Variants in NLN observed in about 807,000 individuals in gnomAD.
The protein encoded by NLN is neurolysin, mitochondrial.
A neutral mutation model predicts 79.9 loss-of-function variants in NLN; 64 were observed. The observed-to-expected ratio is 0.80, with a 90% confidence interval of 0.65 to 0.99. The LOEUF (loss-of-function observed/expected upper bound fraction) is 0.99, where lower values mean the gene tolerates loss of function less well. Ranked by LOEUF, NLN falls within the 50% of genes least tolerant of loss-of-function variation. The probability of loss-of-function intolerance (pLI) is 0.00; values close to 1 mark genes in which losing one functional copy is unlikely to be tolerated. For missense variants in NLN, 835 were observed against 858.7 expected (o/e 0.97, Z 0.34); for synonymous variants, 267 against 296.6 (o/e 0.90, Z 1.02).
intron 7 of NLN, among the ~76,000 whole-genome samples, chr5:65,786,688 C>T (rs1204851999): frequency 6.6e-6 from 1 of 152,072 alleles, no homozygotes; most frequent in Non-Finnish European, 1.5e-5. Flanking sequence ...GACCCCAACC[C>T]TGTCTCTACA....
At chr5:65,801,245 C>A (rs1760280440) in intron 9 of NLN, among the ~76,000 whole-genome samples, 1 of 152,150 alleles carries the variant, frequency 6.6e-6, no homozygotes, top group Non-Finnish European at 1.5e-5. Flanking sequence ...ATTACCAACA[C>A]CTTCAAATTG....
At chr5:65,812,660 T>C (rs1760580010) in intron 12 of NLN, among the ~76,000 whole-genome samples, 1 of 152,264 alleles carries the variant, frequency 6.6e-6, no homozygotes, top group Non-Finnish European at 1.5e-5. Context: ...GCTTTGTTTA[T>C]GGATTTGAGA....
chr5:65,812,849 C>T (rs1359666882), intron 12 of NLN, among the ~76,000 whole-genome samples: 5 of 152,182 alleles, frequency 3.3e-5, no homozygotes, highest in Admixed American at 6.5e-5. Flanking sequence ...GCCCCACCCA[C>T]TACATAGTTT....
At chr5:65,769,222 G>A (rs1759516861) in intron 3 of NLN, among the ~76,000 whole-genome samples, 1 of 152,216 alleles carries the variant, frequency 6.6e-6, no homozygotes, top group South Asian at 2.1e-4. Context: ...TCAGTCTGGG[G>A]AGTATCATTT....
At chr5:65,723,637 A>G (rs542707234) in intron 1 of NLN, among the ~76,000 whole-genome samples, 3 of 151,732 alleles carry the variant, frequency 2.0e-5, no homozygotes, top group African/African-American at 2.4e-5. Flanking sequence ...ACACGGTGAA[A>G]CCCCGTCTCT....
chr5:65,789,084 T>C (rs1376222330), intron 8 of NLN, among the ~76,000 whole-genome samples: 1 of 152,104 alleles, frequency 6.6e-6, no homozygotes, highest in Admixed American at 6.6e-5. Context: ...AGTGAGCTAT[T>C]ATCACACTGC....
intron 1 of NLN, among the ~76,000 whole-genome samples, chr5:65,741,844 T>C (rs1758875448): frequency 6.6e-6 from 1 of 152,132 alleles, no homozygotes; most frequent in Non-Finnish European, 1.5e-5. Context: ...AGAAAAGAAA[T>C]CTCTTCAAGT....
Position 65,722,229 on chromosome 5 carries a change from C to T in NLN, c.-145C>T. ...TAGGCGCCGGCGTGGAGCTGCCGCA[C>T]GTGGGAGGGCGCTGGCCAGGCAGCC... On this transcript the variant is annotated 5_prime_UTR_variant, in exon 1 of 13. It adds an upstream start codon to the 5' untranslated region. Coordinates refer to ENST00000380985, the MANE Select transcript of NLN (RefSeq NM_020726.5). 2.3e-6 allele frequency: 1 copy of T among 438,906 alleles called. No individual in the cohort carries two copies. The highest frequency in any genetic ancestry group is 3.8e-6 in the Non-Finnish European group (1 of 261,394). The allele number at this position is 438,906 out of a possible 1,614,324, so 27.2% of individuals were successfully genotyped here. A position where few individuals can be genotyped will look rare whatever the true frequency, so the allele number is the denominator to read the frequency against.
intron 1 of NLN, among the ~76,000 whole-genome samples, chr5:65,757,960 C>G (rs1027258855): frequency 1.3e-5 from 2 of 152,084 alleles, no homozygotes; most frequent in African/African-American, 4.8e-5. Context: ...TGGCCGGGTG[C>G]AGTGGCTCAC....
intron 1 of NLN, among the ~76,000 whole-genome samples, chr5:65,736,434 A>G (rs2150735495): frequency 6.6e-6 from 1 of 152,354 alleles, no homozygotes; most frequent in Non-Finnish European, 1.5e-5. Context: ...AATTTAAGAG[A>G]ACAATTACTA....
intron 1 of NLN, chr5:65,733,569 C>A (rs1758659619): frequency 6.7e-7 from 1 of 1,500,464 alleles, no homozygotes; most frequent in African/African-American, 1.5e-5. Context: ...AGTCAGGCAG[C>A]CCAAGAGGAT....
intron 1 of NLN, among the ~76,000 whole-genome samples, chr5:65,735,655 A>T (rs1758712820): frequency 6.6e-6 from 1 of 152,166 alleles, no homozygotes; most frequent in African/African-American, 2.4e-5. Context: ...GAAAATAGAG[A>T]TCTTTAGGAA....
intron 7 of NLN, among the ~76,000 whole-genome samples, chr5:65,787,421 A>C (rs1483223069): frequency 6.6e-6 from 1 of 152,078 alleles, no homozygotes; most frequent in Non-Finnish European, 1.5e-5. Flanking sequence ...TCACATTGTG[A>C]GGTTGCCTTC....
intron 9 of NLN, chr5:65,793,505 G>A (rs956957304): frequency 6.6e-6 from 1 of 152,462 alleles, no homozygotes; most frequent in Admixed American, 6.5e-5. Context: ...GGTGGTATGT[G>A]CCTGTGGTCC....
At chr5:65,809,759 T>C in intron 10 of NLN, 58 bp downstream of exon 10, 1 of 1,302,092 alleles carries the variant, frequency 7.7e-7, no homozygotes, top group Non-Finnish European at 1.1e-6. Context: ...GTAGAATTGC[T>C]GTCACCTTCT....
In NLN at chr5:65,758,921, A is replaced by G. The variant is rs1420812962; in HGVS notation, c.301+95A>G. 4.4e-6 allele frequency: 5 copies of G among 1,135,684 alleles called. No individual in the cohort carries two copies. The African/African-American group carries it at 7.7e-5, about 18-fold the overall frequency. The allele number at this position is 1,135,684 out of a possible 1,614,324, so 70.4% of individuals were successfully genotyped here. The stretch of plus-strand genomic sequence containing the variant: ...CTTTCAGTTTTCCAGTTTTACAAGC[A>G]TTGATTTTTACATTATAATTAATTG... On this transcript the variant is annotated intron_variant, in intron 2 of 12. Coordinates refer to ENST00000380985, the MANE Select transcript of NLN (RefSeq NM_020726.5).
chr5:65,787,969 G>GT, intron 7 of NLN, 149 bp from the exon 8 acceptor site: 1 of 729,324 alleles, frequency 1.4e-6, no homozygotes, highest in Non-Finnish European at 2.2e-6. Context: ...CCTCCCTCAC[G>GT]TTTTTCCTCC....
At position 65,775,675 on chromosome 5, in the gene NLN, G is replaced by C. The variant is rs540225855; in HGVS notation, c.451-1752G>C. Among the ~76,000 whole-genome samples, 295 of 152,354 alleles carry C rather than the reference G, an allele frequency of 1.9e-3. 3 individuals carry two copies. The highest frequency in any genetic ancestry group is 7.0e-3 in the African/African-American group (292 of 41,586). ...AGTTAATCACATCCGCAGGAACACT[G>C]TGATTGGAGCTGCTGGCCACCCCTG... On this transcript the variant is annotated intron_variant, in intron 3 of 12. Transcript: ENST00000380985.
intron 1 of NLN, among the ~76,000 whole-genome samples, chr5:65,730,520 C>T (rs1237749884): frequency 6.6e-6 from 1 of 151,598 alleles, no homozygotes; most frequent in Non-Finnish European, 1.5e-5. Flanking sequence ...AAATTGGACT[C>T]ATCCTTTTTT....
Sources: allele counts gnomAD v4.1 joint callset (sites outside exome capture counted in the v4.1 genomes callset), GRCh38; gene constraint gnomAD v4.1.1; transcripts MANE v1.5; gene names NCBI Gene and HGNC (gene_info 2026-07-23, HGNC 2026-07-21).